The following PDZD2 variants were observed in gnomAD, a reference collection of about 807,000 sequenced individuals.
PDZD2 encodes the protein PDZ domain containing 2, also known as PDZ domain-containing protein 2.
PDZD2 carries 90 observed loss-of-function variants against 220.7 expected under a neutral mutation model. The ratio of observed to expected loss-of-function variants is 0.41; its 90% CI spans 0.34 to 0.49. The LOEUF is 0.49. Ranked by LOEUF, PDZD2 falls within the 20% of genes least tolerant of loss-of-function variation. PDZD2 has a pLI of 0.28. For synonymous variants in PDZD2, 1,375 were observed against 1,450.5 expected, an observed-to-expected ratio of 0.95 and a Z score of 1.18; for missense variants, 3,174 against 3,608.5, an observed-to-expected ratio of 0.88 and a Z score of 3.08.
intron 1 of PDZD2, among the ~76,000 whole-genome samples, chr5:31,667,420 G>A (rs530062053): frequency 5.0e-4 from 76 of 152,070 alleles, no homozygotes; most frequent in Admixed American, 1.1e-3. Context: ...TAAAACTTCA[G>A]GTGGAACTAG....
Position 31,735,132 on chromosome 5 carries a change from G to A in PDZD2, c.-360-63757G>A, listed in dbSNP as rs140810900. On this transcript the variant is annotated intron_variant, in intron 1 of 24. Transcript: ENST00000438447. ...GCATCTCTCAGCCTCTTCATGAGCC[G>A]TGGAGCGTGGATATGATGGCAGCTC... Among the ~76,000 whole-genome samples, 452 of 152,280 alleles carry A rather than the reference G, an allele frequency of 3.0e-3. 1 individual carries two copies. The highest frequency in any genetic ancestry group is 0.01 in the African/African-American group (422 of 41,566).
intron 24 of PDZD2, among the ~76,000 whole-genome samples, chr5:32,101,709 G>A (rs1315014234): frequency 1.3e-5 from 2 of 152,190 alleles, no homozygotes; most frequent in Non-Finnish European, 2.9e-5. Context: ...TGCAAGAAAG[G>A]AATACAGTCC....
intron 1 of PDZD2, among the ~76,000 whole-genome samples, chr5:31,766,156 G>A (rs1751993500): frequency 6.6e-6 from 1 of 152,130 alleles, no homozygotes; most frequent in Non-Finnish European, 1.5e-5. Context: ...CTCCAGCCTA[G>A]GCAACAGAGT....
intron 1 of PDZD2, among the ~76,000 whole-genome samples, chr5:31,723,344 G>C (rs1430697677): frequency 6.8e-6 from 1 of 146,786 alleles, no homozygotes; most frequent in Non-Finnish European, 1.5e-5. Flanking sequence ...TTTTTGTTTT[G>C]TTTTTTTTTT....
chr5:31,854,498 G>C (rs946207332), intron 2 of PDZD2, among the ~76,000 whole-genome samples: 1 of 152,206 alleles, frequency 6.6e-6, no homozygotes, highest in Non-Finnish European at 1.5e-5. Context: ...CCATACGATG[G>C]TTGTGATTTT....
At chr5:31,687,975 T>G (rs375392776) in intron 1 of PDZD2, among the ~76,000 whole-genome samples, 4 of 152,300 alleles carry the variant, frequency 2.6e-5, no homozygotes, top group African/African-American at 7.2e-5. Context: ...TAGCAATATT[T>G]AACCTTGGAA....
At position 31,922,532 on chromosome 5, in the gene PDZD2, C is replaced by T. The variant is rs2150381179; in HGVS notation, c.477-60623C>T. 2.0e-5 allele frequency among the ~76,000 whole-genome samples: 3 copies of T among 152,198 alleles called. No homozygotes were observed. The South Asian group carries it at 6.2e-4, about 32-fold the overall frequency. On this transcript the variant is annotated intron_variant, in intron 2 of 24. Coordinates refer to ENST00000438447, the MANE Select transcript of PDZD2 (RefSeq NM_178140.4). ...AATGCAGTAAATTTTTAAAACTGAG[C>T]ATCACTGGGAACTGAACGTTGCTAC... is the stretch of plus-strand genomic sequence containing the variant.
chr5:32,037,902 C>T (rs1755682983), intron 7 of PDZD2, among the ~76,000 whole-genome samples: 2 of 151,286 alleles, frequency 1.3e-5, no homozygotes, highest in Admixed American at 1.3e-4. Context: ...AGTGCAGTGG[C>T]ATGATCTCGG....
intron 22 of PDZD2, 145 bp downstream of exon 22, chr5:32,097,525 A>T (rs540346861): frequency 1.5e-6 from 1 of 662,060 alleles, no homozygotes; most frequent in East Asian, 2.7e-5. Context: ...GAAGTGGGAG[A>T]AGTAGTACGT....
At chr5:31,689,354 T>TATATATATATATATATATATATATATA (rs1554063278) in intron 1 of PDZD2, among the ~76,000 whole-genome samples, 1 of 27,222 alleles carries the variant, frequency 3.7e-5, no homozygotes, top group African/African-American at 2.6e-4. Context: ...TATATATATA[T>TATATATATATATATATATATATATATA]TTTTTTTTTT....
At chr5:31,916,424 G>A (rs775353076) in intron 2 of PDZD2, among the ~76,000 whole-genome samples, 1 of 152,218 alleles carries the variant, frequency 6.6e-6, no homozygotes, top group Non-Finnish European at 1.5e-5. Context: ...CTGGGTCCCC[G>A]ATTGCCCTTG....
chr5:32,000,087 C>G lies in PDZD2; in HGVS notation c.1122-52C>G, dbSNP rs915774938. Reference sequence around the variant, plus strand: ...CCTAGCTCCAGAAAATGGCCCTTCTCAGGCCCAGAATGTCTTGACAAGGGA... The same window carrying G: ...CCTAGCTCCAGAAAATGGCCCTTCTGAGGCCCAGAATGTCTTGACAAGGGA... On this transcript the variant is annotated intron_variant, in intron 4 of 24. Transcript: ENST00000438447. The surrounding 1 kb of genome is among the most constrained non-coding windows in gnomAD (Gnocchi z 4.5). 3 of 1,587,162 alleles carry G rather than the reference C, an allele frequency of 1.9e-6. No homozygotes were observed. The African/African-American group carries it at 4.0e-5, about 21-fold the overall frequency.
chr5:31,870,927 T>G (rs1210977320), intron 2 of PDZD2, among the ~76,000 whole-genome samples: 2 of 151,330 alleles, frequency 1.3e-5, no homozygotes, highest in African/African-American at 4.9e-5. Context: ...AGAACCTTAT[T>G]CAAATAACTT....
At chr5:32,044,640 C>G (rs1413848526) in intron 7 of PDZD2, among the ~76,000 whole-genome samples, 1 of 152,212 alleles carries the variant, frequency 6.6e-6, no homozygotes, top group African/African-American at 2.4e-5. Flanking sequence ...CCAAGAGACT[C>G]TGACAGTCGC....
At chr5:31,779,342 A>G (rs1035846661) in intron 1 of PDZD2, among the ~76,000 whole-genome samples, 3 of 143,898 alleles carry the variant, frequency 2.1e-5, no homozygotes, top group African/African-American at 5.1e-5. Context: ...AACGTTATTT[A>G]TGTAGCTGTC....
intron 2 of PDZD2, chr5:31,923,401 T>A: frequency 8.0e-7 from 1 of 1,255,648 alleles, no homozygotes; most frequent in Non-Finnish European, 1.2e-6. Context: ...AAGCAGAGAC[T>A]GCAGCAGCTC....
At chr5:31,896,013 T>C (rs768099025) in intron 2 of PDZD2, among the ~76,000 whole-genome samples, 38 of 152,222 alleles carry the variant, frequency 2.5e-4, no homozygotes, top group South Asian at 6.2e-4. Context: ...TTTGCCCATG[T>C]GGAAGCTGCA....
intron 2 of PDZD2, among the ~76,000 whole-genome samples, chr5:31,860,847 A>G (rs1737635253): frequency 6.6e-6 from 1 of 152,198 alleles, no homozygotes; most frequent in Admixed American, 6.5e-5. Context: ...ACTGTACAGC[A>G]CATTAACTTT....
intron 5 of PDZD2, among the ~76,000 whole-genome samples, chr5:32,002,770 C>CACCACACAT (rs1752300913): frequency 7.9e-6 from 1 of 126,688 alleles, no homozygotes; most frequent in Admixed American, 8.0e-5. Context: ...ACACACCACA[C>CACCACACAT]ACACCAACAC....
Sources: gnomAD v4.1 joint callset for allele counts (sites outside exome capture counted in the v4.1 genomes callset) on GRCh38, gnomAD v4.1.1 for gene constraint, Gnocchi (gnomAD v3.1) non-coding constraint, MANE v1.5 for transcripts, NCBI Gene and HGNC (gene_info 2026-07-23, HGNC 2026-07-21) for gene names.